The following MACROD2 variants were observed in gnomAD, a reference collection of about 807,000 sequenced individuals.
MACROD2 encodes the protein mono-ADP ribosylhydrolase 2.
Under a neutral mutation model 70.4 loss-of-function variants are expected in MACROD2, and 36 were observed. The observed-to-expected ratio is 0.51, with a 90% CI of 0.39 to 0.68. MACROD2 has a LOEUF of 0.68. Among genes scored for constraint, MACROD2 ranks in the 30% least tolerant of loss-of-function variants. MACROD2 has a pLI of 0.00. For missense variants in MACROD2, 496 were observed against 538.4 expected, an observed-to-expected ratio of 0.92 and a Z score of 0.78; for synonymous variants, 172 against 178.8, an observed-to-expected ratio of 0.96 and a Z score of 0.30.
intron 3 of MACROD2, among the ~76,000 whole-genome samples, chr20:14,397,084 T>G (rs2122823203): frequency 6.8e-6 from 1 of 148,122 alleles, no homozygotes; most frequent in Admixed American, 6.8e-5. Context: ...AAGCTCCGCC[T>G]TCTGGGTTCA....
chr20:15,249,943 A>G (rs1338050187), intron 6 of MACROD2, among the ~76,000 whole-genome samples: 1 of 152,250 alleles, frequency 6.6e-6, no homozygotes, highest in Admixed American at 6.5e-5. Flanking sequence ...ACTTTTAAAA[A>G]TAGGTACTGA....
intron 15 of MACROD2, among the ~76,000 whole-genome samples, chr20:16,031,920 G>A (rs1042881910): frequency 6.6e-6 from 1 of 152,104 alleles, no homozygotes; most frequent in African/African-American, 2.4e-5. Flanking sequence ...GAGAGAGAAT[G>A]AAAGAGATGG....
intron 8 of MACROD2, among the ~76,000 whole-genome samples, chr20:15,726,512 G>T (rs1448680249): frequency 6.6e-6 from 1 of 152,052 alleles, no homozygotes; most frequent in African/African-American, 2.4e-5. Context: ...CCACACTACT[G>T]TGCACGGTGG....
chr20:15,314,891 A>G (rs902056639), intron 6 of MACROD2, among the ~76,000 whole-genome samples: 6 of 152,212 alleles, frequency 3.9e-5, no homozygotes, highest in Non-Finnish European at 7.3e-5. Context: ...GACACCTGTT[A>G]GAAATGACAT....
At chr20:14,487,608 C>T (rs1468694206) in intron 3 of MACROD2, among the ~76,000 whole-genome samples, 1 of 152,136 alleles carries the variant, frequency 6.6e-6, no homozygotes, top group Non-Finnish European at 1.5e-5. Flanking sequence ...ATCTTCCATT[C>T]ATTCCCTTAG....
chr20:15,703,496 C>T (rs2050490431), intron 8 of MACROD2, among the ~76,000 whole-genome samples: 1 of 152,226 alleles, frequency 6.6e-6, no homozygotes. Flanking sequence ...TAAAGCCACA[C>T]TGATTGACTC....
intron 3 of MACROD2, among the ~76,000 whole-genome samples, chr20:14,235,020 A>T (rs1158867141): frequency 6.6e-6 from 1 of 152,172 alleles, no homozygotes; most frequent in Non-Finnish European, 1.5e-5. Context: ...TTAATGTGAA[A>T]AAAAGAGGCC....
chr20:15,527,776 G>A (rs1378253467), intron 8 of MACROD2, among the ~76,000 whole-genome samples: 1 of 152,208 alleles, frequency 6.6e-6, no homozygotes, highest in Non-Finnish European at 1.5e-5. Flanking sequence ...TGGTGCACAT[G>A]AGGCCAGGAA....
chr20:14,475,155 C>T lies in MACROD2; in HGVS notation c.272-18324C>T, dbSNP rs554027686. Among the ~76,000 whole-genome samples the T allele has an allele frequency of 4.6e-5, 7 of 151,960 alleles. 1 individual carries two copies. The South Asian group carries it at 1.2e-3, about 27-fold the overall frequency. On this transcript the variant is annotated intron_variant, in intron 3 of 17. Coordinates refer to ENST00000684519, the MANE Select transcript of MACROD2 (RefSeq NM_001351661.2). ...TTTTTACTTTGTGGTTACCGTGAGGCTTGCATAAAGCATCTTACAGTTATA... is the reference window on the plus strand; with the variant it reads ...TTTTTACTTTGTGGTTACCGTGAGGTTTGCATAAAGCATCTTACAGTTATA...
intron 4 of MACROD2, among the ~76,000 whole-genome samples, chr20:14,589,460 C>T (rs969676087): frequency 6.6e-6 from 1 of 152,106 alleles, no homozygotes; most frequent in Non-Finnish European, 1.5e-5. Flanking sequence ...AATTCTATTA[C>T]ATTTGGTAGC....
chr20:14,905,346 C>G (rs780783224), intron 5 of MACROD2: 8 of 151,948 alleles, frequency 5.3e-5, no homozygotes, highest in Non-Finnish European at 1.2e-4. Context: ...TATTTTTAGG[C>G]AAACTGAAAA....
chr20:14,576,834 A>C (rs1980633922), intron 4 of MACROD2, among the ~76,000 whole-genome samples: 1 of 152,240 alleles, frequency 6.6e-6, no homozygotes, highest in Non-Finnish European at 1.5e-5. Context: ...TGCTTTAAAC[A>C]CAAATTATAA....
intron 4 of MACROD2, among the ~76,000 whole-genome samples, chr20:14,593,822 T>A (rs1981938034): frequency 6.6e-6 from 1 of 152,206 alleles, no homozygotes; most frequent in Non-Finnish European, 1.5e-5. Context: ...CACATTGAAA[T>A]CATGTTGTTT....
At chr20:14,740,279 T>C (rs1020914435) in intron 5 of MACROD2, among the ~76,000 whole-genome samples, 5 of 152,090 alleles carry the variant, frequency 3.3e-5, no homozygotes, top group South Asian at 2.1e-4. Flanking sequence ...CTCAGAGAGA[T>C]TGAGTAACTT....
intron 8 of MACROD2, among the ~76,000 whole-genome samples, chr20:15,707,530 T>C (rs1018218812): frequency 3.3e-5 from 5 of 152,206 alleles, no homozygotes; most frequent in African/African-American, 7.2e-5. Context: ...AGGCCTGTAA[T>C]TCTACCACTT....
chr20:15,535,158 G>T (rs540972895), intron 8 of MACROD2, among the ~76,000 whole-genome samples: 1 of 152,102 alleles, frequency 6.6e-6, no homozygotes, highest in East Asian at 1.9e-4. Context: ...TAAAATTTTT[G>T]TAGAGATGGG....
intron 3 of MACROD2, among the ~76,000 whole-genome samples, chr20:14,217,737 A>G (rs1392343131): frequency 6.6e-6 from 1 of 151,916 alleles, no homozygotes; most frequent in African/African-American, 2.4e-5. Flanking sequence ...TTAAGCTAGG[A>G]GGGTTGTATT....
At chr20:15,419,918 T>G (rs1020955775) in intron 6 of MACROD2, among the ~76,000 whole-genome samples, 9 of 152,244 alleles carry the variant, frequency 5.9e-5, no homozygotes, top group African/African-American at 2.2e-4. Flanking sequence ...CCAACTGATT[T>G]GCCGTTAATA....
In MACROD2 at chr20:15,319,383, A is replaced by G. The variant is rs562007590; in HGVS notation, c.540+89322A>G. ...ATTGTTAAGATGGCAAAAATACCCA[A>G]TGCTATGTATAGATTCTATGAAATC... On this transcript the variant is annotated intron_variant, in intron 6 of 17. Transcript: ENST00000684519. Among the ~76,000 whole-genome samples the G allele has an allele frequency of 7.2e-5, 11 of 152,334 alleles. No homozygotes were observed. The South Asian group carries it at 2.1e-3, about 29-fold the overall frequency.
Sources: gnomAD v4.1 joint callset for allele counts (sites outside exome capture counted in the v4.1 genomes callset) on GRCh38, gnomAD v4.1.1 for gene constraint, MANE v1.5 for transcripts, NCBI Gene and HGNC (gene_info 2026-07-23, HGNC 2026-07-21) for gene names.